TMOD3: variants seen among roughly 807,000 people sequenced by gnomAD.
The protein encoded by TMOD3 is tropomodulin 3.
A neutral mutation model predicts 39.2 loss-of-function variants in TMOD3; 20 were observed. That is an observed-to-expected ratio of 0.51 (90% CI 0.36 to 0.74). TMOD3 has a LOEUF of 0.74. Ranked by LOEUF, TMOD3 falls within the 30% of genes least tolerant of loss-of-function variation. The pLI, the probability that TMOD3 is intolerant of heterozygous loss-of-function variation, is 0.00. For synonymous variants in TMOD3, 143 were observed against 145.8 expected, an observed-to-expected ratio of 0.98 and a Z score of 0.14; for missense variants, 381 against 412.8, an observed-to-expected ratio of 0.92 and a Z score of 0.67.
chr15:51,847,844 G>C (rs562760102), intron 1 of TMOD3, among the ~76,000 whole-genome samples: 1 of 152,308 alleles, frequency 6.6e-6, no homozygotes, highest in African/African-American at 2.4e-5. Context: ...ACAGTGCTTT[G>C]AGCGTGGTGG....
chr15:51,880,700 A>C (rs2056528456), intron 3 of TMOD3, among the ~76,000 whole-genome samples: 1 of 152,172 alleles, frequency 6.6e-6, no homozygotes, highest in African/African-American at 2.4e-5. Context: ...TTTATTGTGG[A>C]TACCACGTTT....
At chr15:51,866,973 T>C (rs1342032385) in intron 2 of TMOD3, among the ~76,000 whole-genome samples, 1 of 152,094 alleles carries the variant, frequency 6.6e-6, no homozygotes. Flanking sequence ...GGAATGGAGC[T>C]ACAATCTGAA....
chr15:51,902,946 C>T (rs998188771), intron 9 of TMOD3, among the ~76,000 whole-genome samples: 57 of 147,726 alleles, frequency 3.9e-4, no homozygotes, highest in Non-Finnish European at 6.3e-4. Flanking sequence ...CCACCGCGCC[C>T]GGCCAATTTT....
intron 1 of TMOD3, among the ~76,000 whole-genome samples, chr15:51,838,490 G>A (rs2056297439): frequency 6.6e-6 from 1 of 151,976 alleles, no homozygotes. Context: ...GGCTGCTGAG[G>A]TCCGTGAAAT....
At chr15:51,852,760 G>A (rs2141676779) in intron 1 of TMOD3, among the ~76,000 whole-genome samples, 1 of 152,344 alleles carries the variant, frequency 6.6e-6, no homozygotes, top group East Asian at 1.9e-4. Flanking sequence ...TGTTAGCTAT[G>A]TACTGTACCT....
At chr15:51,903,196 C>T (rs2056661956) in intron 9 of TMOD3, among the ~76,000 whole-genome samples, 1 of 152,186 alleles carries the variant, frequency 6.6e-6, no homozygotes, top group South Asian at 2.1e-4. Flanking sequence ...TCTCATTCTC[C>T]TATGGTTCCT....
intron 8 of TMOD3, chr15:51,901,354 A>G (rs2056649121): frequency 1.3e-5 from 2 of 153,486 alleles, no homozygotes; most frequent in Admixed American, 6.5e-5. Flanking sequence ...TGGTAACTCT[A>G]TGTTTAACTT....
chr15:51,868,353 G>A (rs76404881), intron 2 of TMOD3, among the ~76,000 whole-genome samples: 9 of 152,156 alleles, frequency 5.9e-5, no homozygotes, highest in Admixed American at 2.6e-4. Flanking sequence ...GTTTCATTAC[G>A]TAGGTAAACT....
chr15:51,872,988 G>A (rs550863599), intron 3 of TMOD3, among the ~76,000 whole-genome samples: 16 of 152,188 alleles, frequency 1.1e-4, no homozygotes, highest in Non-Finnish European at 2.4e-4. Flanking sequence ...ACCTGAAGGA[G>A]GGCAAATTCC....
chr15:51,897,482 ATT>A (rs1167476019), intron 7 of TMOD3, among the ~76,000 whole-genome samples: 17 of 113,032 alleles, frequency 1.5e-4, no homozygotes, highest in African/African-American at 3.5e-4. Context: ...AAAAAAAAAA[ATT>A]TTTTTTTTTT....
rs140259036 is a variant in TMOD3, at chr15:51,855,276, A to G, written c.-74-7535A>G. The stretch of plus-strand genomic sequence containing the variant: ...GTTCCTGACCAGCAGCATCAGCACC[A>G]CCTGGCAGCTTATTAGAAATGCAGA... On this transcript the variant is annotated intron_variant, in intron 1 of 9. Transcript: ENST00000308580. 3.9e-4 allele frequency among the ~76,000 whole-genome samples: 60 copies of G among 152,332 alleles called. No individual in the cohort carries two copies. In the East Asian group the frequency reaches 0.011, roughly 28 times the overall value.
At chr15:51,896,635 C>T (rs1322242939) in intron 7 of TMOD3, 109 bp downstream of exon 7, 1 of 727,216 alleles carries the variant, frequency 1.4e-6, no homozygotes, top group Non-Finnish European at 2.3e-6. Flanking sequence ...TGTTTTAGCT[C>T]ACTATTAGGC....
At position 51,885,393 on chromosome 15, in the gene TMOD3, A is replaced by C. The variant is rs181592956; in HGVS notation, c.284-2196A>C. ...GTGGAGGGAAGGTCAGCAGACAAAC[A>C]TGTGAACAAGGGTCTCTGGTTTTCC... On this transcript the variant is annotated intron_variant, in intron 3 of 9. Transcript: ENST00000308580. Among the ~76,000 whole-genome samples, 23 of 151,716 alleles carry C rather than the reference A, an allele frequency of 1.5e-4. No homozygotes were observed. The East Asian group carries it at 4.1e-3, about 27-fold the overall frequency.
At chr15:51,837,077 T>TATAC (rs1362917178) in intron 1 of TMOD3, among the ~76,000 whole-genome samples, 2 of 151,864 alleles carry the variant, frequency 1.3e-5, no homozygotes, top group Non-Finnish European at 2.9e-5. Flanking sequence ...GTTTGATATA[T>TATAC]ATATATATAG....
At chr15:51,863,106 C>A in intron 2 of TMOD3, 96 bp downstream of exon 2, 1 of 1,280,370 alleles carries the variant, frequency 7.8e-7, no homozygotes, top group Non-Finnish European at 1.1e-6. Context: ...TTCTCTGGCA[C>A]CTTCCACCCT....
intron 3 of TMOD3, among the ~76,000 whole-genome samples, chr15:51,870,096 G>A (rs906568253): frequency 1.3e-5 from 2 of 152,044 alleles, no homozygotes; most frequent in Admixed American, 6.5e-5. Context: ...ACACCAGCAC[G>A]TCTGGCTAAT....
intron 1 of TMOD3, chr15:51,857,964 GTGA>G (rs1417797859): frequency 1.3e-5 from 2 of 152,134 alleles, no homozygotes; most frequent in African/African-American, 4.8e-5. Flanking sequence ...ATATTGGAAA[GTGA>G]TGATATCTTC....
intron 1 of TMOD3, among the ~76,000 whole-genome samples, chr15:51,862,340 G>T (rs2056423454): frequency 6.6e-6 from 1 of 152,066 alleles, no homozygotes; most frequent in Non-Finnish European, 1.5e-5. Flanking sequence ...TTTCCTAGTG[G>T]CAAGAGACCA....
rs1306924415 is a variant in TMOD3 at position 51,911,296 on chromosome 15, A to G, written c.*2486A>G. On this transcript the variant is annotated 3_prime_UTR_variant, in exon 10 of 10. Transcript: ENST00000308580. ...TATCTTTTTCATATATTATTTATCA[A>G]AGTATGAAGTTGAGTATTTTGCTTG... The G allele has an allele frequency of 6.6e-6, 1 of 152,216 alleles. No individual in the cohort carries two copies. The highest frequency in any genetic ancestry group is 2.4e-5 in the African/African-American group (1 of 41,464). The allele number at this position is 152,216 out of a possible 1,614,324, so 9.4% of individuals were successfully genotyped here.
Sources: allele counts gnomAD v4.1 joint callset (sites outside exome capture counted in the v4.1 genomes callset), GRCh38; gene constraint gnomAD v4.1.1; transcripts MANE v1.5; gene names NCBI Gene and HGNC (gene_info 2026-07-23, HGNC 2026-07-21).